Variants in TFCP2 observed in about 807,000 individuals in gnomAD.
TFCP2 encodes alpha-globin transcription factor CP2.
Under a neutral mutation model 73.4 loss-of-function variants are expected in TFCP2, and 33 were observed. That is an observed-to-expected ratio of 0.45 (90% CI 0.34 to 0.60). The LOEUF is 0.60. Among genes scored for constraint, TFCP2 ranks in the 20% least tolerant of loss-of-function variants. The pLI, the probability that TFCP2 is intolerant of heterozygous loss-of-function variation, is 0.01. For missense variants in TFCP2, 352 were observed against 604.0 expected (o/e 0.58, Z 4.37); for synonymous variants, 193 against 211.6 (o/e 0.91, Z 0.76).
chr12:51,167,552 C>A (rs1941780452), intron 1 of TFCP2, among the ~76,000 whole-genome samples: 1 of 152,046 alleles, frequency 6.6e-6, no homozygotes, highest in South Asian at 2.1e-4. Flanking sequence ...ACCATCATGC[C>A]CAGCTAATTT....
At chr12:51,137,022 A>G (rs1941078154) in intron 1 of TFCP2, among the ~76,000 whole-genome samples, 1 of 152,150 alleles carries the variant, frequency 6.6e-6, no homozygotes, top group Admixed American at 6.6e-5. Context: ...GTCATTTGAT[A>G]GTCTTTCTCT....
chr12:51,155,971 G>A (rs1280622307), intron 1 of TFCP2, among the ~76,000 whole-genome samples: 4 of 151,852 alleles, frequency 2.6e-5, no homozygotes, highest in Non-Finnish European at 4.4e-5. Context: ...GAACCCAGGA[G>A]GCCCAGGCTG....
chr12:51,133,518 CTG>C (rs1940997415), intron 1 of TFCP2, among the ~76,000 whole-genome samples: 1 of 152,186 alleles, frequency 6.6e-6, no homozygotes, highest in Non-Finnish European at 1.5e-5. Context: ...GCTGCCCAGA[CTG>C]AGACTGGTCT....
intron 1 of TFCP2, among the ~76,000 whole-genome samples, chr12:51,133,199 A>G (rs1050054606): frequency 6.6e-6 from 1 of 152,230 alleles, no homozygotes; most frequent in African/African-American, 2.4e-5. Context: ...AACAGAGCAC[A>G]AAACCACCTC....
chr12:51,116,489 A>G, intron 3 of TFCP2, 69 bp from the exon 4 acceptor site: 1 of 802,744 alleles, frequency 1.2e-6, no homozygotes, highest in Non-Finnish European at 1.9e-6. Flanking sequence ...AAGAAAAACT[A>G]GCAGGATTCA....
intron 4 of TFCP2, among the ~76,000 whole-genome samples, chr12:51,113,655 C>T (rs1260013409): frequency 2.0e-5 from 3 of 152,118 alleles, no homozygotes; most frequent in African/African-American, 7.2e-5. Flanking sequence ...TCCAAACTGA[C>T]TATAAAGCTA....
rs1357283597 is a variant in TFCP2 at position 51,094,102 on chromosome 12, C to T, written c.*1139G>A. On this transcript the variant is annotated 3_prime_UTR_variant, in exon 15 of 15. Coordinates refer to ENST00000257915, the MANE Select transcript of TFCP2 (RefSeq NM_005653.5). ...GTAAAGCTTCTATTAAAAAACATAG[C>T]ATGAGTAAAATAACTTCCTATGCCA... 1 of 152,038 alleles carries T rather than the reference C, an allele frequency of 6.6e-6. No individual in the cohort carries two copies. The highest frequency in any genetic ancestry group is 1.5e-5 in the Non-Finnish European group (1 of 68,006). 9.4% of individuals were successfully genotyped at this position (152,038 alleles called of 1,614,324 possible).
chr12:51,142,602 C>G (rs183871948), intron 1 of TFCP2, among the ~76,000 whole-genome samples: 127 of 152,258 alleles, frequency 8.3e-4, no homozygotes, highest in Admixed American at 2.0e-3. Flanking sequence ...TTCTCAAGAA[C>G]CTTTTTCCTC....
intron 8 of TFCP2, 117 bp downstream of exon 8, chr12:51,106,408 T>A: frequency 1.4e-6 from 1 of 712,412 alleles, no homozygotes; most frequent in South Asian, 1.9e-5. Context: ...TATAAATCCA[T>A]CAAAGAACGA....
chr12:51,114,734 T>TCAAA (rs1940479776), intron 4 of TFCP2, among the ~76,000 whole-genome samples: 1 of 151,896 alleles, frequency 6.6e-6, no homozygotes, highest in South Asian at 2.1e-4. Context: ...AATGAGATAC[T>TCAAA]ACTTCACAAC....
At position 51,172,425 on chromosome 12, in the gene TFCP2, T is replaced by C. The variant is rs1592849296; in HGVS notation, c.-3A>G. On this transcript the variant is annotated 5_prime_UTR_variant, in exon 1 of 15. Coordinates refer to ENST00000257915, the MANE Select transcript of TFCP2 (RefSeq NM_005653.5). The stretch of plus-strand genomic sequence containing the variant: ...GGCAGCTTCAGAGCCCAGGCCATCC[T>C]GGCTCCTTCCTTGCCCCAGGAGACA... 1.2e-6 allele frequency: 2 copies of C among 1,614,052 alleles called. No homozygotes were observed. Among genetic ancestry groups the C allele is most frequent in the East Asian group, 2.2e-5 (1 of 44,880 alleles).
intron 5 of TFCP2, among the ~76,000 whole-genome samples, chr12:51,109,714 AATTTT>A (rs1566203663): frequency 1.2e-5 from 1 of 83,888 alleles, no homozygotes; most frequent in Non-Finnish European, 2.3e-5. Flanking sequence ...AAGATTGGTG[AATTTT>A]TTTTTTTTTT....
At chr12:51,099,121 G>A (rs962054153) in intron 12 of TFCP2, among the ~76,000 whole-genome samples, 2 of 152,080 alleles carry the variant, frequency 1.3e-5, no homozygotes, top group African/African-American at 4.8e-5. Context: ...CATAAATACC[G>A]GAGATAACAG....
intron 1 of TFCP2, chr12:51,124,923 A>G (rs1227972844): frequency 1.2e-6 from 1 of 826,372 alleles, no homozygotes; most frequent in East Asian, 2.4e-5. Context: ...GTCGTCCAGG[A>G]TGAGCCCAAA....
intron 1 of TFCP2, among the ~76,000 whole-genome samples, chr12:51,134,650 G>C (rs1941021264): frequency 6.6e-6 from 1 of 152,092 alleles, no homozygotes; most frequent in South Asian, 2.1e-4. Flanking sequence ...AAAAAATACT[G>C]TTCTAGTCTT....
At chr12:51,157,672 T>C (rs1264927451) in intron 1 of TFCP2, among the ~76,000 whole-genome samples, 3 of 113,354 alleles carry the variant, frequency 2.6e-5, no homozygotes, top group African/African-American at 9.8e-5. Context: ...AATTTGAGTT[T>C]TTTCTTTTCT....
chr12:51,121,289 C>T (rs546839561), intron 1 of TFCP2, among the ~76,000 whole-genome samples: 3 of 151,586 alleles, frequency 2.0e-5, no homozygotes, highest in Non-Finnish European at 2.9e-5. Context: ...GGCGCGTTGG[C>T]GCGCGCCTAG....
At chr12:51,110,294 C>A (rs541670533) in intron 5 of TFCP2, among the ~76,000 whole-genome samples, 1 of 152,266 alleles carries the variant, frequency 6.6e-6, no homozygotes, top group African/African-American at 2.4e-5. Context: ...CAAGGCCGGG[C>A]ATGGTGGCTC....
chr12:51,099,041 C>T (rs1940040673), intron 12 of TFCP2, 123 bp from the exon 13 acceptor site: 1 of 1,059,388 alleles, frequency 9.4e-7, no homozygotes, highest in Non-Finnish European at 1.4e-6. Context: ...AGTTCAAATC[C>T]TGGCTCAACC....
Sources: allele counts gnomAD v4.1 joint callset (sites outside exome capture counted in the v4.1 genomes callset), GRCh38; gene constraint gnomAD v4.1.1; transcripts MANE v1.5; gene names NCBI Gene and HGNC (gene_info 2026-07-23, HGNC 2026-07-21).